The following OCA2 variants were observed in gnomAD, a reference collection of about 807,000 sequenced individuals.
OCA2 encodes the protein P protein.
A neutral mutation model predicts 100.2 loss-of-function variants in OCA2; 77 were observed. That is an observed-to-expected ratio of 0.77 (90% confidence interval 0.64 to 0.93). OCA2 has a LOEUF of 0.93. OCA2 is among the 40% of genes least tolerant of loss of function. The pLI, the probability that OCA2 is intolerant of heterozygous loss-of-function variation, is 0.00. For synonymous variants in OCA2, 432 were observed against 439.2 expected, an observed-to-expected ratio of 0.98 and a Z score of 0.21; for missense variants, 1,062 against 1,089.1, an observed-to-expected ratio of 0.98 and a Z score of 0.35.
chr15:27,930,225 T>A (rs547009126), intron 18 of OCA2, among the ~76,000 whole-genome samples: 1 of 152,122 alleles, frequency 6.6e-6, no homozygotes. Flanking sequence ...GGTCAAGAAC[T>A]GGAAACAATT....
At chr15:27,905,436 G>C (rs923461978) in intron 19 of OCA2, among the ~76,000 whole-genome samples, 1 of 152,298 alleles carries the variant, frequency 6.6e-6, no homozygotes, top group East Asian at 1.9e-4. Flanking sequence ...ACAGCAAATG[G>C]ACAGAAAGCC....
Position 28,016,099 on chromosome 15 carries a change from C to T in OCA2, c.890+5G>A. 1 of 1,613,150 alleles carries T rather than the reference C, an allele frequency of 6.2e-7. No homozygotes were observed. The highest frequency in any genetic ancestry group is 8.5e-7 in the Non-Finnish European group (1 of 1,179,086). ...GCCCCAACACCTCACTCACTGAGAA[C>T]TCACCTGGTCAGTACCTCAAAGGTC... On this transcript the variant is annotated splice_donor_5th_base_variant and intron_variant, in intron 8 of 23. Coordinates refer to ENST00000354638, the MANE Select transcript of OCA2 (RefSeq NM_000275.3).
intron 23 of OCA2, among the ~76,000 whole-genome samples, chr15:27,779,456 A>G (rs1054186847): frequency 2.0e-5 from 3 of 152,152 alleles, no homozygotes; most frequent in Non-Finnish European, 4.4e-5. Context: ...TTGGGTGCAT[A>G]TATATTTATA....
chr15:27,887,937 C>T (rs537969192), intron 19 of OCA2, among the ~76,000 whole-genome samples: 1 of 151,854 alleles, frequency 6.6e-6, no homozygotes, highest in East Asian at 2.0e-4. Flanking sequence ...GTGGACAGAA[C>T]CTGAGGAGGG....
intron 19 of OCA2, among the ~76,000 whole-genome samples, chr15:27,923,934 C>T (rs961605885): frequency 1.1e-4 from 16 of 152,160 alleles, no homozygotes; most frequent in Middle Eastern, 3.4e-3. Flanking sequence ...AATCTTTTCC[C>T]GTGCCTATGT....
intron 14 of OCA2, among the ~76,000 whole-genome samples, chr15:27,981,331 T>A (rs577554313): frequency 1.8e-4 from 27 of 152,346 alleles, no homozygotes; most frequent in Non-Finnish European, 3.5e-4. Flanking sequence ...ATCATCGCTG[T>A]CATAGGTTAT....
intron 1 of OCA2, among the ~76,000 whole-genome samples, chr15:28,089,143 C>T (rs1383586338): frequency 1.3e-5 from 2 of 152,234 alleles, no homozygotes; most frequent in African/African-American, 2.4e-5. Context: ...CTCTGTTCCT[C>T]CCGGCCCACA....
At chr15:27,955,101 C>G (rs370360462) in intron 17 of OCA2, 57 bp downstream of exon 17, 3 of 1,229,200 alleles carry the variant, frequency 2.4e-6, no homozygotes, top group Non-Finnish European at 2.4e-6. Context: ...AAAGGCATCA[C>G]TCACTCTCTT....
intron 19 of OCA2, among the ~76,000 whole-genome samples, chr15:27,914,817 A>G (rs886533141): frequency 2.6e-5 from 4 of 152,146 alleles, no homozygotes; most frequent in African/African-American, 9.7e-5. Context: ...AATGCTATTC[A>G]TATCAAACAC....
chr15:27,813,059 G>T (rs1281606853), intron 23 of OCA2, among the ~76,000 whole-genome samples: 2 of 152,194 alleles, frequency 1.3e-5, no homozygotes, highest in African/African-American at 4.8e-5. Context: ...CAGCACAGGT[G>T]TCAAGGGTCA....
At chr15:27,875,857 G>A (rs1182327822) in intron 19 of OCA2, among the ~76,000 whole-genome samples, 1 of 151,856 alleles carries the variant, frequency 6.6e-6, no homozygotes, top group African/African-American at 2.4e-5. Flanking sequence ...TTTGGATACT[G>A]ATCTTGTATC....
intron 18 of OCA2, among the ~76,000 whole-genome samples, chr15:27,926,719 T>G (rs2039056278): frequency 6.6e-6 from 1 of 152,056 alleles, no homozygotes; most frequent in Non-Finnish European, 1.5e-5. Flanking sequence ...AGGCTCAAGC[T>G]GGGGAGCCTC....
At chr15:27,796,649 G>A (rs2033352232) in intron 23 of OCA2, among the ~76,000 whole-genome samples, 1 of 152,200 alleles carries the variant, frequency 6.6e-6, no homozygotes. Context: ...GTGTAACAGG[G>A]CTAAGCACGG....
At chr15:27,858,189 C>T (rs1195833001) in intron 21 of OCA2, among the ~76,000 whole-genome samples, 2 of 152,118 alleles carry the variant, frequency 1.3e-5, no homozygotes, top group South Asian at 2.1e-4. Context: ...GCCTGGCCAA[C>T]ATGGTGAAAC....
chr15:28,006,429 G>A (rs1260673896), intron 9 of OCA2, among the ~76,000 whole-genome samples: 1 of 152,192 alleles, frequency 6.6e-6, no homozygotes, highest in Non-Finnish European at 1.5e-5. Flanking sequence ...TTTTTCTAAG[G>A]AATGATGTGG....
chr15:27,880,937 T>C (rs978383336), intron 19 of OCA2, among the ~76,000 whole-genome samples: 11 of 152,212 alleles, frequency 7.2e-5, no homozygotes, highest in Non-Finnish European at 1.2e-4. Context: ...TTATGTCAGT[T>C]TTCAATGGGA....
chr15:27,908,913 T>C (rs2038281616), intron 19 of OCA2, among the ~76,000 whole-genome samples: 1 of 152,186 alleles, frequency 6.6e-6, no homozygotes, highest in African/African-American at 2.4e-5. Flanking sequence ...ATTAGTTAGA[T>C]AATGGTGGGA....
rs747395624 is a variant in OCA2 at position 28,014,869 on chromosome 15, CA to C, written c.950del (p.Leu317Ter). ...TTCCGCGGAGGTACTGATGAGCCAT[CA>C]AAAGAGGGACAGCCTGGGTCTGCTG... ...SLQQTQAVPL[L>X]MAHQYLRGSV... is the part of the protein sequence containing the mutation. On this transcript the variant is annotated frameshift_variant, in exon 9 of 24. Transcript: ENST00000354638. LOFTEE classifies it high-confidence loss of function. 2 of 1,614,144 alleles carry C rather than the reference CA, an allele frequency of 1.2e-6. No homozygotes were observed. Among genetic ancestry groups the C allele is most frequent in the Non-Finnish European group, 1.7e-6 (2 of 1,180,028 alleles).
chr15:27,821,279 G>A (rs2034491657), intron 23 of OCA2, among the ~76,000 whole-genome samples: 1 of 152,054 alleles, frequency 6.6e-6, no homozygotes, highest in African/African-American at 2.4e-5. Context: ...TGGTAATTCT[G>A]CTGCTACCCC....
Sources: allele counts gnomAD v4.1 joint callset (sites outside exome capture counted in the v4.1 genomes callset), GRCh38; gene constraint gnomAD v4.1.1; transcripts MANE v1.5; gene names NCBI Gene and HGNC (gene_info 2026-07-23, HGNC 2026-07-21).